The following LIFR variants were observed in gnomAD, a reference collection of about 807,000 sequenced individuals.
LIFR encodes the protein leukemia inhibitory factor receptor.
LIFR carries 84 observed loss-of-function variants against 122.2 expected under a neutral mutation model. The ratio of observed to expected loss-of-function variants is 0.69; its 90% CI spans 0.58 to 0.82. The LOEUF is 0.82. Ranked by LOEUF, LIFR falls within the 40% of genes least tolerant of loss-of-function variation. The pLI is 0.00. For missense variants in LIFR, 1,294 were observed against 1,311.6 expected (o/e 0.99, Z 0.21); for synonymous variants, 422 against 434.7 (o/e 0.97, Z 0.36).
chr5:38,548,693 T>C (rs1748028334), intron 1 of LIFR, among the ~76,000 whole-genome samples: 1 of 152,206 alleles, frequency 6.6e-6, no homozygotes, highest in Non-Finnish European at 1.5e-5. Context: ...TATACAGGAC[T>C]ATTCAAGACA....
Position 38,523,481 on chromosome 5 carries a change from G to A in LIFR, c.499C>T (p.Arg167Cys), listed in dbSNP as rs774503800. The part of the protein sequence containing the change: ...WNDRGSVFPH[R>C]SNVIWEIKVL... ...TTAATTTCCCAGATAACATTTGAGC[G>A]GTGTGGAAAAACTGAACCCCTGTCG... Residue 167 changes from arginine to cysteine, a missense_variant, in exon 5 of 20, where the codon CGC (arginine) becomes TGC (cysteine). By Grantham distance (180) the Arg-to-Cys change is radical (BLOSUM62 -3). Transcript: ENST00000453190. 48 of 1,613,390 alleles carry A rather than the reference G, an allele frequency of 3.0e-5. No homozygotes were observed. The highest frequency in any genetic ancestry group is 8.9e-5 in the East Asian group (4 of 44,814).
chr5:38,567,813 G>C lies in LIFR; in HGVS notation c.-20+27448C>G, dbSNP rs1370653404. Among the ~76,000 whole-genome samples, 9 of 152,100 alleles carry C rather than the reference G, an allele frequency of 5.9e-5. No homozygotes were observed. The East Asian group carries it at 1.7e-3, about 29-fold the overall frequency. On this transcript the variant is annotated intron_variant, in intron 1 of 19. Transcript: ENST00000263409. ...CAAAGTGCTGGGATTATAGGCATGA[G>C]CCACCACCTGGCCCAACCATTCTGT...
At chr5:38,511,542 C>T (rs1026815316) in intron 6 of LIFR, among the ~76,000 whole-genome samples, 3 of 151,842 alleles carry the variant, frequency 2.0e-5, no homozygotes, top group African/African-American at 7.3e-5. Flanking sequence ...TCTTCAATTC[C>T]TATGACAGTG....
chr5:38,502,203 AG>A (rs1271305841), intron 11 of LIFR, among the ~76,000 whole-genome samples: 1 of 152,110 alleles, frequency 6.6e-6, no homozygotes, highest in African/African-American at 2.4e-5. Context: ...TTTTATTAGC[AG>A]GTATTACATA....
At chr5:38,560,749 C>T (rs1748806103), upstream of LIFR, among the ~76,000 whole-genome samples, 2 of 151,992 alleles carry the variant, frequency 1.3e-5, no homozygotes, top group South Asian at 4.2e-4. Context: ...GTGTCCGCCA[C>T]CACGTCTGGC....
intron 1 of LIFR, among the ~76,000 whole-genome samples, chr5:38,534,467 G>C (rs1321149491): frequency 6.6e-6 from 1 of 152,154 alleles, no homozygotes; most frequent in Non-Finnish European, 1.5e-5. Flanking sequence ...GGAACAAAGT[G>C]ATGTTTCAAG....
At chr5:38,503,850 T>G in intron 10 of LIFR, 126 bp downstream of exon 10, 4 of 730,222 alleles carry the variant, frequency 5.5e-6, no homozygotes, top group Non-Finnish European at 9.5e-6. Context: ...AGTAATGTCT[T>G]TCTTGGTTCT....
chr5:38,546,149 A>T lies in LIFR; in HGVS notation c.-20+10185T>A, dbSNP rs191982986. On this transcript the variant is annotated intron_variant, in intron 1 of 19. Transcript: ENST00000453190. ...CTTTAATTACGAACTGGAAAAATTT[A>T]AAACAATGTAAATGCTCAAGTTATG... is the stretch of plus-strand genomic sequence containing the variant. Among the ~76,000 whole-genome samples the T allele has an allele frequency of 2.3e-4, 35 of 152,324 alleles. No individual in the cohort carries two copies. In the East Asian group the frequency reaches 6.7e-3, roughly 29 times the overall value.
chr5:38,603,509 C>G (rs1750262455), intron 2 of LIFR, among the ~76,000 whole-genome samples: 1 of 152,190 alleles, frequency 6.6e-6, no homozygotes. Context: ...TTAACTCTGT[C>G]CCTTCCAAAC....
chr5:38,512,675 A>G (rs1040438612), intron 5 of LIFR, among the ~76,000 whole-genome samples: 1 of 151,698 alleles, frequency 6.6e-6, no homozygotes, highest in Non-Finnish European at 1.5e-5. Flanking sequence ...AATAACAAAA[A>G]TCCCAAGTCT....
chr5:38,483,930 C>G (rs920338974), intron 18 of LIFR, among the ~76,000 whole-genome samples: 1 of 152,160 alleles, frequency 6.6e-6, no homozygotes, highest in Non-Finnish European at 1.5e-5. Flanking sequence ...CATACCCAGC[C>G]AGGACAGCTC....
At chr5:38,524,877 G>C (rs1746593713) in intron 4 of LIFR, among the ~76,000 whole-genome samples, 1 of 152,282 alleles carries the variant, frequency 6.6e-6, no homozygotes, top group South Asian at 2.1e-4. Context: ...GGAAACCAGA[G>C]AAAATCCAGG....
chr5:38,528,102 T>C (rs1327324507), intron 3 of LIFR, among the ~76,000 whole-genome samples: 5 of 152,160 alleles, frequency 3.3e-5, no homozygotes, highest in Non-Finnish European at 7.3e-5. Flanking sequence ...AATCACGCCA[T>C]CTCATACATT....
exon 2 of LIFR, chr5:38,606,275 T>C (rs1486948096): frequency 6.6e-6 from 1 of 152,246 alleles, no homozygotes; most frequent in Non-Finnish European, 1.5e-5. Context: ...AGGGAGCTTT[T>C]ACTCATGGCA....
intron 1 of LIFR, among the ~76,000 whole-genome samples, chr5:38,546,859 CTATT>C (rs1175481950): frequency 5.9e-5 from 9 of 152,150 alleles, no homozygotes; most frequent in Non-Finnish European, 1.3e-4. Context: ...ACAGCTTTGA[CTATT>C]TGTGAGCTGA....
At chr5:38,530,722 A>T (rs1746960625) in intron 1 of LIFR, 56 bp from the exon 2 acceptor site, 1 of 1,405,952 alleles carries the variant, frequency 7.1e-7, no homozygotes, top group Admixed American at 1.7e-5. Context: ...GGCTCACCTT[A>T]TACTGTGCAC....
chr5:38,506,789 A>T (rs1195811764), intron 7 of LIFR, among the ~76,000 whole-genome samples, 157 bp from the exon 8 acceptor site: 1 of 152,212 alleles, frequency 6.6e-6, no homozygotes, highest in African/African-American at 2.4e-5. Flanking sequence ...TTCTCTCTGT[A>T]GCATGTCTTG....
chr5:38,499,624 C>T (rs1362195438), intron 11 of LIFR, 41 bp from the exon 12 acceptor site: 8 of 1,344,276 alleles, frequency 6.0e-6, no homozygotes, highest in Non-Finnish European at 8.6e-6. Flanking sequence ...AAGACACATA[C>T]TATATGTATA....
intron 1 of LIFR, among the ~76,000 whole-genome samples, chr5:38,572,733 T>C (rs1014807234): frequency 6.6e-6 from 1 of 152,202 alleles, no homozygotes; most frequent in African/African-American, 2.4e-5. Context: ...TTGTTAACAA[T>C]AGCTACCCCT....
Sources: allele counts gnomAD v4.1 joint callset (sites outside exome capture counted in the v4.1 genomes callset), GRCh38; gene constraint gnomAD v4.1.1; transcripts MANE v1.5; gene names NCBI Gene and HGNC (gene_info 2026-07-23, HGNC 2026-07-21).